FRMPD4: variants seen among roughly 807,000 people sequenced by gnomAD.
FRMPD4 encodes FERM and PDZ domain containing 4.
In FRMPD4, 22 loss-of-function variants were observed where a neutral mutation model predicts 94.1. That is an observed-to-expected ratio of 0.23 (90% CI 0.17 to 0.33). The LOEUF (loss-of-function observed/expected upper bound fraction) is 0.33, where lower values mean the gene tolerates loss of function less well. FRMPD4 is among the 10% of genes least tolerant of loss of function. The probability of loss-of-function intolerance (pLI) is 1.00; values close to 1 mark genes in which losing one functional copy is unlikely to be tolerated. For missense variants in FRMPD4, 1,111 were observed against 1,339.9 expected, an observed-to-expected ratio of 0.83 and a Z score of 2.67; for synonymous variants, 631 against 548.6, an observed-to-expected ratio of 1.15 and a Z score of -2.10.
chrX:12,544,906 G>A (rs139413250), intron 2 of FRMPD4, among the ~76,000 whole-genome samples: 3 of 111,796 alleles, frequency 2.7e-5, no homozygotes, highest in Non-Finnish European at 3.8e-5. Flanking sequence ...CAAACCCCAC[G>A]TAAGTTAATC....
At chrX:12,005,177 T>C (rs1298939339) in intron 3 of FRMPD4, among the ~76,000 whole-genome samples, 1 of 110,093 alleles carries the variant, frequency 9.1e-6, no homozygotes, top group Non-Finnish European at 1.9e-5. Flanking sequence ...GTGGGGCTTC[T>C]CAAACTATAG....
intron 16 of FRMPD4, 113 bp from the exon 17 acceptor site, chrX:12,720,421 C>A: frequency 1.3e-6 from 1 of 767,985 alleles, no homozygotes; most frequent in Non-Finnish European, 2.0e-6. Flanking sequence ...CATCGGCAGC[C>A]CTTCCAGACT....
At chrX:12,224,175 A>G (rs1358297653) in intron 1 of FRMPD4, among the ~76,000 whole-genome samples, 1 of 111,894 alleles carries the variant, frequency 8.9e-6, no homozygotes, top group Admixed American at 9.6e-5. Flanking sequence ...ATATACATTC[A>G]AAGGACTTTA....
intron 3 of FRMPD4, among the ~76,000 whole-genome samples, chrX:11,985,703 C>T (rs1044080869): frequency 1.8e-5 from 2 of 111,337 alleles, no homozygotes; most frequent in Admixed American, 1.9e-4. Context: ...TTATTAACTA[C>T]AGACTGACTG....
intron 3 of FRMPD4, among the ~76,000 whole-genome samples, chrX:12,016,817 C>T (rs1232224684): frequency 6.3e-5 from 7 of 111,734 alleles, no homozygotes; most frequent in Non-Finnish European, 7.5e-5. Context: ...TCCCAAATGA[C>T]GCCAGCTATG....
chrX:12,111,447 G>T (rs1271821235), intron 3 of FRMPD4, among the ~76,000 whole-genome samples: 1 of 111,443 alleles, frequency 9.0e-6, no homozygotes, highest in Non-Finnish European at 1.9e-5. Flanking sequence ...TTAAACGTTA[G>T]ACCTAAAACC....
chrX:11,866,076 A>G (rs1191931761), intron 2 of FRMPD4, among the ~76,000 whole-genome samples: 1 of 112,075 alleles, frequency 8.9e-6, no homozygotes, highest in Non-Finnish European at 1.9e-5. Flanking sequence ...TGGGCTTTTT[A>G]GGCAGAAAAA....
Position 12,661,432 on chromosome X carries a change from G to T in FRMPD4, c.423-13431G>T, listed in dbSNP as rs1047428155. 2.3e-4 allele frequency among the ~76,000 whole-genome samples: 26 copies of T among 111,831 alleles called. 1 individual carries two copies. Among genetic ancestry groups the T allele is most frequent in the African/African-American group, 8.5e-4 (26 of 30,769 alleles). On this transcript the variant is annotated intron_variant, in intron 4 of 16. Coordinates refer to ENST00000675598, the MANE Select transcript of FRMPD4 (RefSeq NM_001368397.1). Reference sequence around the variant, plus strand: ...GGTAGTAGGAGAAACAATATCTATAGAATTGGTAGAAGCCAAGTCCAATGC... The same window carrying T: ...GGTAGTAGGAGAAACAATATCTATATAATTGGTAGAAGCCAAGTCCAATGC...
At chrX:12,712,476 G>A (rs1294873484) in intron 14 of FRMPD4, among the ~76,000 whole-genome samples, 1 of 111,448 alleles carries the variant, frequency 9.0e-6, no homozygotes, top group African/African-American at 3.3e-5. Flanking sequence ...TTGAGCCTAG[G>A]AGGTCAACGC....
At chrX:11,870,960 G>A (rs1047674623) in intron 2 of FRMPD4, among the ~76,000 whole-genome samples, 2 of 112,148 alleles carry the variant, frequency 1.8e-5, no homozygotes, top group Non-Finnish European at 3.8e-5. Flanking sequence ...CAGATCTCAC[G>A]ATAGCAGATG....
chrX:12,179,571 A>G (rs1378158640), intron 1 of FRMPD4, among the ~76,000 whole-genome samples: 1 of 112,014 alleles, frequency 8.9e-6, no homozygotes, highest in Non-Finnish European at 1.9e-5. Context: ...TATGTTCTAC[A>G]TATAAAAATG....
At chrX:11,854,677 C>T (rs2053644018) in intron 1 of FRMPD4, among the ~76,000 whole-genome samples, 1 of 112,602 alleles carries the variant, frequency 8.9e-6, no homozygotes, top group African/African-American at 3.2e-5. Flanking sequence ...CCTTTGACTC[C>T]ATATCTCACA....
chrX:12,212,571 A>C (rs1196733409), intron 1 of FRMPD4, among the ~76,000 whole-genome samples: 2 of 111,360 alleles, frequency 1.8e-5, no homozygotes, highest in Non-Finnish European at 3.8e-5. Context: ...CTAGACTTCT[A>C]GGTGAGACAA....
At chrX:12,688,199 G>C (rs1324055002) in intron 7 of FRMPD4, among the ~76,000 whole-genome samples, 2 of 112,012 alleles carry the variant, frequency 1.8e-5, no homozygotes, top group African/African-American at 6.5e-5. Flanking sequence ...CATTATTACA[G>C]CCCTTTCTGA....
intron 3 of FRMPD4, among the ~76,000 whole-genome samples, chrX:12,008,038 A>C (rs1285332592): frequency 8.9e-6 from 1 of 111,796 alleles, no homozygotes; most frequent in Non-Finnish European, 1.9e-5. Context: ...AAATATACTT[A>C]GGTGGTTTAT....
At chrX:12,503,873 A>G (rs925678635) in intron 2 of FRMPD4, among the ~76,000 whole-genome samples, 1 of 111,777 alleles carries the variant, frequency 8.9e-6, no homozygotes, top group Non-Finnish European at 1.9e-5. Context: ...TTTTACTGTT[A>G]TTCTGTGGAG....
At chrX:12,155,504 A>G (rs1209476515) in intron 1 of FRMPD4, among the ~76,000 whole-genome samples, 1 of 91,802 alleles carries the variant, frequency 1.1e-5, no homozygotes, top group Non-Finnish European at 2.0e-5. Context: ...CATCTTTTTG[A>G]TGTGCCATGT....
At chrX:12,520,170 A>G (rs73632689) in intron 2 of FRMPD4, among the ~76,000 whole-genome samples, 3,554 of 111,989 alleles carry the variant, frequency 0.032, 147 homozygotes, top group African/African-American at 0.11. Flanking sequence ...AGATGAATAA[A>G]CAAAATGTGG....
At chrX:12,580,633 G>A (rs752884960) in intron 2 of FRMPD4, among the ~76,000 whole-genome samples, 2 of 111,698 alleles carry the variant, frequency 1.8e-5, no homozygotes, top group South Asian at 3.8e-4. Context: ...AAATGCCTAC[G>A]TGGTGAGATG....
Sources: allele counts gnomAD v4.1 joint callset (sites outside exome capture counted in the v4.1 genomes callset), GRCh38; gene constraint gnomAD v4.1.1; transcripts MANE v1.5; gene names NCBI Gene and HGNC (gene_info 2026-07-23, HGNC 2026-07-21).